Variants in CREBBP observed in about 807,000 individuals in gnomAD.
CREBBP encodes CREB binding lysine acetyltransferase, also known as CREB-binding protein.
Under a neutral mutation model 265.0 loss-of-function variants are expected in CREBBP, and 19 were observed. The ratio of observed to expected loss-of-function variants is 0.07; its 90% confidence interval spans 0.05 to 0.11. The LOEUF (loss-of-function observed/expected upper bound fraction) is 0.11, where lower values mean the gene tolerates loss of function less well. Ranked by LOEUF, CREBBP falls within the 10% of genes least tolerant of loss-of-function variation. CREBBP has a pLI of 1.00. For missense variants in CREBBP, 2,525 were observed against 3,219.0 expected, an observed-to-expected ratio of 0.78 and a Z score of 5.22; for synonymous variants, 1,457 against 1,223.7, an observed-to-expected ratio of 1.19 and a Z score of -3.98.
At chr16:3,793,325 G>A (rs886820660) in intron 4 of CREBBP, 61 bp downstream of exon 4, 4 of 1,610,260 alleles carry the variant, frequency 2.5e-6, no homozygotes, top group South Asian at 1.1e-5. Context: ...GCTGCTGTAA[G>A]AACAATAAAG....
At chr16:3,815,149 T>TACTTC (rs1360987910) in intron 2 of CREBBP, among the ~76,000 whole-genome samples, 2 of 152,218 alleles carry the variant, frequency 1.3e-5, no homozygotes, top group African/African-American at 4.8e-5. Context: ...GGCTAACATA[T>TACTTC]ACTTCTTAGG....
chr16:3,797,284 G>C (rs2053626398), intron 3 of CREBBP, among the ~76,000 whole-genome samples: 1 of 151,966 alleles, frequency 6.6e-6, no homozygotes, highest in East Asian at 1.9e-4. Context: ...AAAATAAAGG[G>C]GCAATCTATA....
intron 2 of CREBBP, among the ~76,000 whole-genome samples, chr16:3,826,568 C>A (rs2054241335): frequency 1.3e-5 from 2 of 152,076 alleles, no homozygotes. Context: ...CCCTTGGCTG[C>A]TGAGATCTTC....
At chr16:3,758,552 C>T (rs1013422212) in intron 17 of CREBBP, among the ~76,000 whole-genome samples, 1 of 152,188 alleles carries the variant, frequency 6.6e-6, no homozygotes, top group African/African-American at 2.4e-5. Flanking sequence ...TTTTACAGTT[C>T]ATGTTCACAA....
rs1759848068 is a variant in CREBBP at position 3,773,769 on chromosome 16, G to T, written c.2445C>A (p.Ala815=). 6.2e-7 allele frequency: 1 copy of T among 1,613,860 alleles called. No homozygotes were observed. Among genetic ancestry groups the T allele is most frequent in the Non-Finnish European group, 8.5e-7 (1 of 1,180,008 alleles). ...ACAGTACCTGTGACACGCCTGTTTG[G>T]GCTGGCGGCTGCCCCATGCCCACAC... ...AMSVGMGQPP[A]QTGVSQGQVP... is the part of the protein sequence containing the mutation. Residue 815 remains alanine (A), a synonymous_variant, in exon 13 of 31, where the codon GCC becomes GCA. Transcript: ENST00000262367.
At chr16:3,822,540 G>A (rs1423862878) in intron 2 of CREBBP, among the ~76,000 whole-genome samples, 10 of 152,176 alleles carry the variant, frequency 6.6e-5, no homozygotes, top group African/African-American at 2.2e-4. Flanking sequence ...ACAGCTCGTG[G>A]GATGAGCCCT....
At chr16:3,868,669 C>A (rs2055228993) in intron 1 of CREBBP, among the ~76,000 whole-genome samples, 1 of 152,156 alleles carries the variant, frequency 6.6e-6, no homozygotes, top group Admixed American at 6.6e-5. Context: ...CTTCCTCCAA[C>A]AAGCCTCCCT....
chr16:3,758,051 T>TAAAAA lies in CREBBP; in HGVS notation c.3370-8_3370-4dup. ...TTCTTTACGATGTCAAAATAGTCCT[T>TAAAAA]AAAAAAAAAAAAATGGTCTCAGTAT... On this transcript the variant is annotated splice_region_variant and splice_polypyrimidine_tract_variant and intron_variant, in intron 17 of 30. Coordinates refer to ENST00000262367, the MANE Select transcript of CREBBP (RefSeq NM_004380.3). The TAAAAA allele has an allele frequency of 1.4e-6, 2 of 1,444,626 alleles. No homozygotes were observed. The highest frequency in any genetic ancestry group is 2.4e-5 in the East Asian group (1 of 42,504). 89.5% of individuals were successfully genotyped at this position (1,444,626 alleles called of 1,614,324 possible).
chr16:3,740,530 C>T lies in CREBBP; in HGVS notation c.4002G>A (p.Leu1334=), dbSNP rs2151341141. 6.2e-7 allele frequency: 1 copy of T among 1,614,182 alleles called. No individual in the cohort carries two copies. The highest frequency in any genetic ancestry group is 8.5e-7 in the Non-Finnish European group (1 of 1,180,020). ...FSAKRLQTTR[L]GNHLEDRVNK... ...TCACTCGGTCTTCCAAGTGGTTTCC[C>T]AGTCTTGTGGTCTGCAGCCCTAGGA... The change falls in exon 24 of 31, where the codon CTG becomes CTA. Residue 1334 remains leucine, a synonymous_variant. Coordinates refer to ENST00000262367, the MANE Select transcript of CREBBP (RefSeq NM_004380.3).
intron 21 of CREBBP, among the ~76,000 whole-genome samples, chr16:3,749,278 T>A (rs2052419974): frequency 6.6e-6 from 1 of 152,236 alleles, no homozygotes. Flanking sequence ...TAAACGATAC[T>A]ACTAGTACTA....
chr16:3,834,304 G>C (rs754465368), intron 2 of CREBBP, among the ~76,000 whole-genome samples: 2 of 152,182 alleles, frequency 1.3e-5, no homozygotes, highest in Non-Finnish European at 2.9e-5. Flanking sequence ...ACCTGCACAT[G>C]GATGTATATG....
intron 2 of CREBBP, among the ~76,000 whole-genome samples, chr16:3,839,777 G>A: frequency 6.7e-6 from 1 of 149,236 alleles, no homozygotes; most frequent in Non-Finnish European, 1.5e-5. Context: ...GGAAGGAAGG[G>A]AAGGAAGGAA....
chr16:3,850,624 C>G lies in CREBBP; in HGVS notation c.471G>C (p.Lys157Asn). 1 of 1,614,204 alleles carries G rather than the reference C, an allele frequency of 6.2e-7. No homozygotes were observed. Among genetic ancestry groups the G allele is most frequent in the Non-Finnish European group, 8.5e-7 (1 of 1,180,038 alleles). ...GGCTGCTAGTCGCCAGCCCCACTTGCTTTTGTGCTTGCGGATTCAGTGCTT... is the reference window on the plus strand; with the variant it reads ...GGCTGCTAGTCGCCAGCCCCACTTGGTTTTGTGCTTGCGGATTCAGTGCTT... Reference protein sequence around the residue: ...ASQALNPQAQKQVGLATSSPA... With the variant: ...ASQALNPQAQNQVGLATSSPA... Residue 157 changes from lysine (K) to asparagine (N), a missense_variant, in exon 2 of 31, where the codon AAG becomes AAC. Transcript: ENST00000262367.
chr16:3,872,892 ATCCC>A (rs1303779695), intron 1 of CREBBP, among the ~76,000 whole-genome samples: 1 of 152,188 alleles, frequency 6.6e-6, no homozygotes, highest in African/African-American at 2.4e-5. Flanking sequence ...CTCCTCAACC[ATCCC>A]AGGGCCTGCC....
intron 1 of CREBBP, among the ~76,000 whole-genome samples, chr16:3,875,807 G>C (rs1461914920): frequency 6.6e-6 from 1 of 152,154 alleles, no homozygotes; most frequent in Non-Finnish European, 1.5e-5. Context: ...ACAGGACGCT[G>C]TAAGGATCAA....
chr16:3,729,869 G>A lies in CREBBP; in HGVS notation c.5178C>T (p.Tyr1726=), dbSNP rs752909743. 1.9e-5 allele frequency: 31 copies of A among 1,601,114 alleles called. No homozygotes were observed. The highest frequency in any genetic ancestry group is 6.7e-5 in the East Asian group (3 of 44,878). Residue 1726 remains tyrosine, a synonymous_variant, in exon 31 of 31, where the codon TAC becomes TAT. Transcript: ENST00000262367. ...TRWHCTVCED[Y]DLCINCYNTK... Reference sequence around the variant, plus strand: ...TGTTATAGCAGTTGATGCAGAGGTCGTAGTCCTGCAAGCAAGGAAAGGGGA... The same window carrying A: ...TGTTATAGCAGTTGATGCAGAGGTCATAGTCCTGCAAGCAAGGAAAGGGGA...
intron 20 of CREBBP, 67 bp downstream of exon 20, chr16:3,751,659 G>C (rs1383479645): frequency 2.0e-6 from 3 of 1,480,464 alleles, no homozygotes; most frequent in Non-Finnish European, 2.8e-6. Flanking sequence ...ATAGTCATTG[G>C]TAAGAGGAAA....
chr16:3,740,623 C>T lies in CREBBP; in HGVS notation c.3983-74G>A, dbSNP rs76614471. On this transcript the variant is annotated intron_variant, in intron 23 of 30. Transcript: ENST00000262367. ...AGACAGTGACTGAGACTAGAGAATC[C>T]ACCCCACTTTGCAGCACAGGCTGAT... is the stretch of plus-strand genomic sequence containing the variant. 355 of 1,549,704 alleles carry T rather than the reference C, an allele frequency of 2.3e-4. 5 individuals carry two copies. The East Asian group carries it at 7.7e-3, about 34-fold the overall frequency.
Position 3,770,997 on chromosome 16 carries a change from T to C in CREBBP, c.2464-11A>G, listed in dbSNP as rs1425312594. On this transcript the variant is annotated splice_polypyrimidine_tract_variant and intron_variant, in intron 13 of 30. Transcript: ENST00000262367. The stretch of plus-strand genomic sequence containing the variant: ...ACCAGGCACCTGTCCCTACCAGAAA[T>C]GGACAGAGTATGGTAAAATTATTTC... 2.5e-6 allele frequency: 4 copies of C among 1,612,530 alleles called. No homozygotes were observed. The African/African-American group carries it at 5.3e-5, about 22-fold the overall frequency.
Sources: allele counts gnomAD v4.1 joint callset (sites outside exome capture counted in the v4.1 genomes callset), GRCh38; gene constraint gnomAD v4.1.1; transcripts MANE v1.5; gene names NCBI Gene and HGNC (gene_info 2026-07-23, HGNC 2026-07-21).